The following VAPA variants were observed in gnomAD, a reference collection of about 807,000 sequenced individuals.
The protein encoded by VAPA is VAMP associated protein A.
In VAPA, 6 loss-of-function variants were observed where a neutral mutation model predicts 25.6. The observed-to-expected ratio is 0.23, with a 90% CI of 0.13 to 0.46. The LOEUF (loss-of-function observed/expected upper bound fraction) is 0.46. VAPA is among the 20% of genes least tolerant of loss of function. VAPA has a pLI of 0.99. For missense variants in VAPA, 244 were observed against 302.1 expected, an observed-to-expected ratio of 0.81 and a Z score of 1.43; for synonymous variants, 112 against 106.2, an observed-to-expected ratio of 1.05 and a Z score of -0.34.
Position 9,944,817 on chromosome 18 carries a change from G to GTTA in VAPA, c.418-5577_418-5575dup, listed in dbSNP as rs1204374580. On this transcript the variant is annotated intron_variant, in intron 4 of 5. Transcript: ENST00000400000. ...ATGCATTAATGCATTTTTATAAAGT[G>GTTA]TTAATGTTTAGAGCCTAATGCTTTC... 25 of 1,336,098 alleles carry GTTA rather than the reference G, an allele frequency of 1.9e-5. No homozygotes were observed. In the South Asian group the frequency reaches 3.7e-4, roughly 20 times the overall value. The allele number at this position is 1,336,098 out of a possible 1,614,324, so 82.8% of individuals were successfully genotyped here. A position where few individuals can be genotyped will look rare whatever the true frequency, so the allele number is the denominator to read the frequency against.
rs2069545820 is a variant in VAPA, at chr18:9,955,985, G to A, written c.*1774G>A. On this transcript the variant is annotated 3_prime_UTR_variant, in exon 6 of 6. Transcript: ENST00000400000. The stretch of plus-strand genomic sequence containing the variant: ...TAAATGCAGAATCAGTAATTCCTTG[G>A]CTTAAAGCTCTTATATAATCAATAT... 6.6e-6 allele frequency: 1 copy of A among 152,094 alleles called. No homozygotes were observed. Among genetic ancestry groups the A allele is most frequent in the South Asian group, 2.1e-4 (1 of 4,826 alleles). The allele number at this position is 152,094 out of a possible 1,614,324, so 9.4% of individuals were successfully genotyped here.
rs114102109 is a variant in VAPA at position 9,956,540 on chromosome 18, A to G, written c.*2329A>G. On this transcript the variant is annotated 3_prime_UTR_variant, in exon 6 of 6. Coordinates refer to ENST00000400000, the MANE Select transcript of VAPA (RefSeq NM_194434.3). ...AGTCTGGGTAGCATCTTTAAAATGT[A>G]TGTGGGCTTAACTGTTGTTCATATC... The G allele has an allele frequency of 3.1e-4, 48 of 152,704 alleles. No individual in the cohort carries two copies. The highest frequency in any genetic ancestry group is 1.1e-3 in the African/African-American group (46 of 41,554). The allele number at this position is 152,704 out of a possible 1,614,324, so 9.5% of individuals were successfully genotyped here.
chr18:9,949,966 C>T (rs3025579), intron 4 of VAPA: 9,365 of 155,634 alleles, frequency 0.06, 373 homozygotes, highest in African/African-American at 0.11. Context: ...ACGATAATAT[C>T]CCCCTACCCC....
At chr18:9,929,803 G>C (rs1419345713) in intron 1 of VAPA, among the ~76,000 whole-genome samples, 4 of 152,124 alleles carry the variant, frequency 2.6e-5, no homozygotes, top group Admixed American at 1.3e-4. Flanking sequence ...CTCAAATTCA[G>C]TAGTTAAGTG....
intron 4 of VAPA, among the ~76,000 whole-genome samples, chr18:9,938,190 T>G (rs1174589221): frequency 6.6e-6 from 1 of 152,160 alleles, no homozygotes; most frequent in Admixed American, 6.5e-5. Context: ...CTGGATTGAC[T>G]TTTTAAAAAA....
At chr18:9,941,535 C>T (rs1345591723) in intron 4 of VAPA, among the ~76,000 whole-genome samples, 2 of 151,958 alleles carry the variant, frequency 1.3e-5, no homozygotes, top group South Asian at 2.1e-4. Context: ...GGTAATAAGA[C>T]CCTATTGATA....
chr18:9,948,326 A>G (rs1241370397), intron 4 of VAPA: 1 of 152,190 alleles, frequency 6.6e-6, no homozygotes, highest in East Asian at 1.9e-4. Context: ...TGCCCATCAA[A>G]TGCTTAACAA....
At chr18:9,930,001 A>C (rs1487845406) in intron 1 of VAPA, among the ~76,000 whole-genome samples, 1 of 152,166 alleles carries the variant, frequency 6.6e-6, no homozygotes, top group Non-Finnish European at 1.5e-5. Flanking sequence ...AGTATCGTGA[A>C]ATGTAAATAC....
At chr18:9,953,723 T>C (rs1459809349) in intron 5 of VAPA, among the ~76,000 whole-genome samples, 2 of 152,212 alleles carry the variant, frequency 1.3e-5, no homozygotes, top group Non-Finnish European at 2.9e-5. Context: ...AAATATAGCC[T>C]ATCTAACTTT....
chr18:9,952,578 A>AC (rs2069501563), intron 5 of VAPA, among the ~76,000 whole-genome samples: 1 of 151,774 alleles, frequency 6.6e-6, no homozygotes. Context: ...AAAAAAAAAA[A>AC]AACAAAACCC....
rs143836727 is a variant in VAPA, at chr18:9,922,273, C to G, written c.79+7938C>G. Reference sequence around the variant, plus strand: ...GCATGAGCTACCATACCTGGCCTGCCTCAGTATTTTTAAAACAAATCCTGA... The same window carrying G: ...GCATGAGCTACCATACCTGGCCTGCGTCAGTATTTTTAAAACAAATCCTGA... On this transcript the variant is annotated intron_variant, in intron 1 of 5. Transcript: ENST00000400000. 9.9e-5 allele frequency among the ~76,000 whole-genome samples: 15 copies of G among 152,204 alleles called. No homozygotes were observed. The East Asian group carries it at 2.9e-3, about 29-fold the overall frequency.
At chr18:9,950,116 G>A (rs960835835) in intron 4 of VAPA, 7 of 308,276 alleles carry the variant, frequency 2.3e-5, no homozygotes, top group Non-Finnish European at 3.6e-5. Context: ...AAAGAGAGAT[G>A]GCTCTTGCTC....
intron 1 of VAPA, among the ~76,000 whole-genome samples, chr18:9,930,701 A>ATTTT (rs1567894931): frequency 1.3e-5 from 2 of 149,252 alleles, no homozygotes; most frequent in African/African-American, 5.0e-5. Flanking sequence ...TTTTTTTTTA[A>ATTTT]AAAAAAAATG....
intron 4 of VAPA, chr18:9,947,499 A>T (rs2069438313): frequency 6.6e-6 from 1 of 152,236 alleles, no homozygotes; most frequent in Admixed American, 6.5e-5. Context: ...CAGATGGAGG[A>T]TTACTGCAGA....
At chr18:9,946,475 AT>A (rs35584230) in intron 4 of VAPA, among the ~76,000 whole-genome samples, 102 of 146,470 alleles carry the variant, frequency 7.0e-4, no homozygotes, top group Admixed American at 2.2e-3. Context: ...TTTTTGTGTG[AT>A]TTTTTTTTTT....
chr18:9,914,529 A>C, intron 1 of VAPA, 194 bp downstream of exon 1: 1 of 318,916 alleles, frequency 3.1e-6, no homozygotes, highest in East Asian at 5.8e-5. Flanking sequence ...GGCCCGCTTC[A>C]TCCCCTCCCG....
Position 9,936,209 on chromosome 18 carries a change from C to G in VAPA, c.332C>G (p.Ala111Gly), listed in dbSNP as rs745482720. The change falls in exon 3 of 6, where the codon GCT becomes GGT. Residue 111 changes from alanine to glycine, a missense_variant. Transcript: ENST00000400000. ...CCACCAAACACTTCAGATATGGAAG[C>G]TGTGGTAAGTATAGAAGAAGAATTT... Reference protein sequence around the residue: ...FAPPNTSDMEAVWKEAKPDEL... With the variant: ...FAPPNTSDMEGVWKEAKPDEL... 3 of 1,593,246 alleles carry G rather than the reference C, an allele frequency of 1.9e-6. No individual in the cohort carries two copies. Among genetic ancestry groups the G allele is most frequent in the Middle Eastern group, 1.7e-4 (1 of 6,014 alleles).
Position 9,958,035 on chromosome 18 carries a change from C to T in VAPA, c.*3824C>T, listed in dbSNP as rs949423490. The stretch of plus-strand genomic sequence containing the variant: ...AAGAAAGTTTGTCTTGCCCTTCTGA[C>T]ACAGTGTGTGCACTTCAGGCAATTT... On this transcript the variant is annotated 3_prime_UTR_variant, in exon 6 of 6. Coordinates refer to ENST00000400000, the MANE Select transcript of VAPA (RefSeq NM_194434.3). 2 of 152,226 alleles carry T rather than the reference C, an allele frequency of 1.3e-5. No individual in the cohort carries two copies. The highest frequency in any genetic ancestry group is 6.5e-5 in the Admixed American group (1 of 15,288). 9.4% of individuals were successfully genotyped at this position (152,226 alleles called of 1,614,324 possible). A position where few individuals can be genotyped will look rare whatever the true frequency, so the allele number is the denominator to read the frequency against.
chr18:9,944,903 A>T (rs1423128848), intron 4 of VAPA: 1 of 1,612,616 alleles, frequency 6.2e-7, no homozygotes, highest in South Asian at 1.1e-5. Context: ...ATCTGAGAAT[A>T]TGTTTCCCAT....
Sources: gnomAD v4.1 joint callset for allele counts (sites outside exome capture counted in the v4.1 genomes callset) on GRCh38, gnomAD v4.1.1 for gene constraint, MANE v1.5 for transcripts, NCBI Gene and HGNC (gene_info 2026-07-23, HGNC 2026-07-21) for gene names.